Variants in ITGBL1 observed in about 807,000 individuals in gnomAD.
ITGBL1 encodes integrin subunit beta like 1, also known as integrin beta-like protein 1.
A neutral mutation model predicts 68.5 loss-of-function variants in ITGBL1; 51 were observed. The observed-to-expected ratio is 0.74, with a 90% CI of 0.59 to 0.94. The LOEUF (loss-of-function observed/expected upper bound fraction) is 0.94, where lower values mean the gene tolerates loss of function less well. Ranked by LOEUF, ITGBL1 falls within the 40% of genes least tolerant of loss-of-function variation. ITGBL1 has a pLI of 0.00. For missense variants in ITGBL1, 649 were observed against 647.4 expected, an observed-to-expected ratio of 1.00 and a Z score of -0.03; for synonymous variants, 209 against 227.3, an observed-to-expected ratio of 0.92 and a Z score of 0.72.
intron 2 of ITGBL1, among the ~76,000 whole-genome samples, chr13:101,544,145 C>G (rs554751054): frequency 6.6e-6 from 1 of 152,226 alleles, no homozygotes; most frequent in South Asian, 2.1e-4. Context: ...TTTAGAGTTT[C>G]CAGTTTTTCT....
At chr13:101,679,517 T>C (rs1383102802) in intron 7 of ITGBL1, among the ~76,000 whole-genome samples, 1 of 152,316 alleles carries the variant, frequency 6.6e-6, no homozygotes, top group Admixed American at 6.5e-5. Flanking sequence ...TTTACTCTAA[T>C]TTACATGGGC....
At chr13:101,648,334 A>G (rs1436555796) in intron 7 of ITGBL1, among the ~76,000 whole-genome samples, 1 of 152,214 alleles carries the variant, frequency 6.6e-6, no homozygotes, top group Non-Finnish European at 1.5e-5. Context: ...ATAGAATTCA[A>G]AAGATATTTA....
chr13:101,561,350 A>G (rs996019798), intron 2 of ITGBL1, among the ~76,000 whole-genome samples: 5 of 152,194 alleles, frequency 3.3e-5, no homozygotes, highest in Non-Finnish European at 4.4e-5. Context: ...GAAACTATCC[A>G]GACATTTAGT....
chr13:101,461,405 G>A (rs1459019449), intron 2 of ITGBL1, among the ~76,000 whole-genome samples: 5 of 152,080 alleles, frequency 3.3e-5, no homozygotes, highest in African/African-American at 9.7e-5. Context: ...AATGCCCTAG[G>A]AGGGACTGGG....
At chr13:101,572,665 A>T (rs191557623) in intron 3 of ITGBL1, among the ~76,000 whole-genome samples, 44 of 152,134 alleles carry the variant, frequency 2.9e-4, no homozygotes, top group East Asian at 1.2e-3. Context: ...TCCGTTGTGA[A>T]TTCTGCTTTA....
At chr13:101,604,137 TCAAA>T (rs1011711084) in intron 7 of ITGBL1, among the ~76,000 whole-genome samples, 19 of 151,870 alleles carry the variant, frequency 1.3e-4, no homozygotes, top group African/African-American at 2.2e-4. Context: ...AAAATAGCTC[TCAAA>T]CAGAGAAAAT....
At chr13:101,614,619 C>A (rs2031275626) in intron 7 of ITGBL1, among the ~76,000 whole-genome samples, 1 of 152,170 alleles carries the variant, frequency 6.6e-6, no homozygotes, top group South Asian at 2.1e-4. Context: ...GCTAAGCTGG[C>A]TCCTTGTCTG....
downstream of ITGBL1, chr13:101,717,374 T>TTGA (rs1337677945): frequency 1.3e-5 from 2 of 152,158 alleles, no homozygotes; most frequent in African/African-American, 4.8e-5. Flanking sequence ...AGTACGTAAA[T>TTGA]TGATAGATCT....
At chr13:101,528,377 T>G (rs1002680138) in intron 2 of ITGBL1, among the ~76,000 whole-genome samples, 1 of 151,732 alleles carries the variant, frequency 6.6e-6, no homozygotes, top group Non-Finnish European at 1.5e-5. Flanking sequence ...AACATAAATG[T>G]TTGTGTACAT....
chr13:101,468,363 A>G (rs944453875), intron 2 of ITGBL1, among the ~76,000 whole-genome samples: 2 of 152,216 alleles, frequency 1.3e-5, no homozygotes, highest in Admixed American at 6.5e-5. Flanking sequence ...CAAATGAGTA[A>G]GAGTAGTATC....
At chr13:101,522,955 A>T (rs1230972485) in intron 2 of ITGBL1, among the ~76,000 whole-genome samples, 10 of 152,240 alleles carry the variant, frequency 6.6e-5, no homozygotes, top group Non-Finnish European at 7.3e-5. Flanking sequence ...ATAATGCCAA[A>T]TGGACAGACA....
At chr13:101,555,040 T>C (rs1305331344) in intron 2 of ITGBL1, among the ~76,000 whole-genome samples, 1 of 152,218 alleles carries the variant, frequency 6.6e-6, no homozygotes, top group Non-Finnish European at 1.5e-5. Context: ...TTAATATTAC[T>C]GCTTATAGAA....
chr13:101,693,624 G>GTCTGTCTA (rs71780453), intron 8 of ITGBL1, among the ~76,000 whole-genome samples: 20,018 of 145,902 alleles, frequency 0.14, 1,482 homozygotes, highest in African/African-American at 0.15. Flanking sequence ...CTGTCTGTCT[G>GTCTGTCTA]TCTATCTATC....
chr13:101,575,610 C>A (rs2050346588), intron 4 of ITGBL1, 64 bp downstream of exon 4: 1 of 1,503,194 alleles, frequency 6.7e-7, no homozygotes. Context: ...TTTCATTGTT[C>A]TTTTATCTCT....
At chr13:101,481,008 G>A (rs1011063423) in intron 2 of ITGBL1, among the ~76,000 whole-genome samples, 3 of 110,228 alleles carry the variant, frequency 2.7e-5, no homozygotes, top group Non-Finnish European at 5.6e-5. Context: ...AGATATGTGT[G>A]TGTGTGTGTG....
chr13:101,678,374 T>C lies in ITGBL1; in HGVS notation c.1016-14211T>C, dbSNP rs571208894. ...CCTATTTGTGAAGGAAAGTATATTA[T>C]GTATTTTTCTATTGATTTTGTTGTT... On this transcript the variant is annotated intron_variant, in intron 7 of 10. Transcript: ENST00000376180. Among the ~76,000 whole-genome samples, 4 of 152,386 alleles carry C rather than the reference T, an allele frequency of 2.6e-5. No homozygotes were observed. The East Asian group carries it at 7.7e-4, about 29-fold the overall frequency.
intron 7 of ITGBL1, among the ~76,000 whole-genome samples, chr13:101,614,617 G>A (rs2031275417): frequency 6.6e-6 from 1 of 152,144 alleles, no homozygotes; most frequent in Non-Finnish European, 1.5e-5. Context: ...CTGCTAAGCT[G>A]GCTCCTTGTC....
At chr13:101,561,549 A>T (rs886662694) in intron 2 of ITGBL1, among the ~76,000 whole-genome samples, 1 of 152,154 alleles carries the variant, frequency 6.6e-6, no homozygotes, top group Non-Finnish European at 1.5e-5. Context: ...TGGACTTATC[A>T]TTTTCAAATT....
chr13:101,657,869 G>A (rs192009010), intron 7 of ITGBL1, among the ~76,000 whole-genome samples: 1 of 152,322 alleles, frequency 6.6e-6, no homozygotes, highest in African/African-American at 2.4e-5. Flanking sequence ...AGTGGGCAGA[G>A]CAAGGGTCCC....
Sources: allele counts gnomAD v4.1 joint callset (sites outside exome capture counted in the v4.1 genomes callset), GRCh38; gene constraint gnomAD v4.1.1; transcripts MANE v1.5; gene names NCBI Gene and HGNC (gene_info 2026-07-23, HGNC 2026-07-21).